Variants in PHACTR1 observed in about 807,000 individuals in gnomAD.
The protein encoded by PHACTR1 is phosphatase and actin regulator 1.
In PHACTR1, 16 loss-of-function variants were observed where a neutral mutation model predicts 69.2. That is an observed-to-expected ratio of 0.23 (90% CI 0.16 to 0.35). PHACTR1 has a LOEUF of 0.35. PHACTR1 is among the 10% of genes least tolerant of loss of function. The pLI, the probability that PHACTR1 is intolerant of heterozygous loss-of-function variation, is 1.00. For synonymous variants in PHACTR1, 312 were observed against 284.5 expected (o/e 1.10, Z -0.97); for missense variants, 510 against 734.7 (o/e 0.69, Z 3.54).
intron 5 of PHACTR1, among the ~76,000 whole-genome samples, chr6:13,152,678 G>C (rs949051975): frequency 6.6e-6 from 1 of 152,150 alleles, no homozygotes; most frequent in Non-Finnish European, 1.5e-5. Context: ...TTACAAACTA[G>C]TGCAAAGATT....
rs10664160 is a variant in PHACTR1, at chr6:13,073,331, A to ATTTTTTTTTTTTT, written c.415+19820_415+19832dup. ...ATTCCTTCAACCAATCATTCCATGAATTTTTTTTTTTTTTTTTTTTTTTTT... is the reference window on the plus strand; with the variant it reads ...ATTCCTTCAACCAATCATTCCATGAATTTTTTTTTTTTTTTTTTTTTTTTTTTTTTTTTTTTTT... On this transcript the variant is annotated intron_variant, in intron 5 of 14. Transcript: ENST00000332995. Among the ~76,000 whole-genome samples the ATTTTTTTTTTTTT allele has an allele frequency of 9.1e-5, 6 of 65,672 alleles. 1 individual carries two copies. Among genetic ancestry groups the ATTTTTTTTTTTTT allele is most frequent in the East Asian group, 5.6e-4 (1 of 1,782 alleles). The allele number at this position is 65,672 out of a possible 152,430, so 43.1% of individuals were successfully genotyped here.
chr6:13,265,260 G>A (rs1380154843), intron 10 of PHACTR1, among the ~76,000 whole-genome samples: 2 of 152,056 alleles, frequency 1.3e-5, no homozygotes, highest in Non-Finnish European at 2.9e-5. Context: ...TAAACCCAGT[G>A]GGCATTTTTT....
intron 6 of PHACTR1, among the ~76,000 whole-genome samples, chr6:13,180,499 T>G (rs1209227994): frequency 6.6e-6 from 1 of 152,238 alleles, no homozygotes; most frequent in South Asian, 2.1e-4. Flanking sequence ...TTTTTTCTAA[T>G]GTTGCTTCTA....
At chr6:12,874,423 G>GT (rs1238143016) in intron 4 of PHACTR1, among the ~76,000 whole-genome samples, 1 of 152,154 alleles carries the variant, frequency 6.6e-6, no homozygotes, top group Non-Finnish European at 1.5e-5. Context: ...TTACAGTTTA[G>GT]TTTTTTAGAA....
intron 4 of PHACTR1, among the ~76,000 whole-genome samples, chr6:12,929,568 A>G (rs979126152): frequency 4.6e-5 from 7 of 152,228 alleles, no homozygotes; most frequent in Non-Finnish European, 1.0e-4. Flanking sequence ...CAAGGAAGAC[A>G]CAACAACAAG....
intron 5 of PHACTR1, among the ~76,000 whole-genome samples, chr6:13,122,869 G>A (rs181833252): frequency 1.3e-5 from 2 of 152,230 alleles, no homozygotes; most frequent in African/African-American, 4.8e-5. Context: ...ACAAACAAGG[G>A]TTACTACCTA....
intron 5 of PHACTR1, among the ~76,000 whole-genome samples, chr6:13,055,958 T>A (rs1158227910): frequency 6.6e-6 from 1 of 152,250 alleles, no homozygotes; most frequent in East Asian, 1.9e-4. Flanking sequence ...CCAGATTGAT[T>A]AACGTGGCAG....
At chr6:12,785,709 G>A (rs767573908) in intron 4 of PHACTR1, among the ~76,000 whole-genome samples, 2 of 152,136 alleles carry the variant, frequency 1.3e-5, no homozygotes, top group Non-Finnish European at 2.9e-5. Flanking sequence ...GGTAAAAGGT[G>A]CCCTCTAACA....
chr6:12,738,497 C>T (rs961255890), intron 3 of PHACTR1, among the ~76,000 whole-genome samples: 1 of 152,158 alleles, frequency 6.6e-6, no homozygotes, highest in Non-Finnish European at 1.5e-5. Context: ...ACTATGATGG[C>T]TGCAAACTGA....
chr6:13,253,500 C>T (rs920965407), intron 10 of PHACTR1, among the ~76,000 whole-genome samples: 13 of 152,212 alleles, frequency 8.5e-5, no homozygotes, highest in African/African-American at 3.1e-4. Flanking sequence ...CTATAGCAAA[C>T]ACCAGAACTT....
At chr6:12,841,595 A>G (rs1001015050) in intron 4 of PHACTR1, among the ~76,000 whole-genome samples, 2 of 152,246 alleles carry the variant, frequency 1.3e-5, no homozygotes, top group African/African-American at 4.8e-5. Flanking sequence ...ATGGAAAATC[A>G]AATTTCCAGC....
rs1784105869 is a variant in PHACTR1 at position 12,890,842 on chromosome 6, C to T, written c.250+141052C>T. Among the ~76,000 whole-genome samples the T allele has an allele frequency of 2.0e-5, 3 of 152,198 alleles. No homozygotes were observed. The South Asian group carries it at 6.2e-4, about 31-fold the overall frequency. ...TATCTCTATATTACCTTTTAACCTTCCTAATAATTTGCCTATTATATTTAC... is the reference window on the plus strand; with the variant it reads ...TATCTCTATATTACCTTTTAACCTTTCTAATAATTTGCCTATTATATTTAC... On this transcript the variant is annotated intron_variant, in intron 4 of 14. Coordinates refer to ENST00000332995, the MANE Select transcript of PHACTR1 (RefSeq NM_030948.6).
intron 4 of PHACTR1, among the ~76,000 whole-genome samples, chr6:12,937,609 A>G (rs1220009703): frequency 6.6e-6 from 1 of 152,214 alleles, no homozygotes; most frequent in Non-Finnish European, 1.5e-5. Context: ...AGAGTTATGA[A>G]GAAAGATAAA....
chr6:12,784,183 C>T (rs1771196301), intron 4 of PHACTR1, among the ~76,000 whole-genome samples: 1 of 151,756 alleles, frequency 6.6e-6, no homozygotes, highest in African/African-American at 2.4e-5. Flanking sequence ...TACATATACC[C>T]ACAGATATAC....
intron 6 of PHACTR1, among the ~76,000 whole-genome samples, chr6:13,175,263 C>A (rs1761163123): frequency 6.6e-6 from 1 of 152,250 alleles, no homozygotes; most frequent in South Asian, 2.1e-4. Context: ...GCTGTGTTAG[C>A]TCATCTGATA....
intron 5 of PHACTR1, among the ~76,000 whole-genome samples, chr6:13,059,991 G>A (rs983858929): frequency 6.6e-6 from 1 of 152,138 alleles, no homozygotes; most frequent in Non-Finnish European, 1.5e-5. Flanking sequence ...TCTAGATGAG[G>A]GAAGATTATT....
At chr6:13,085,300 T>C (rs1001700534) in intron 5 of PHACTR1, among the ~76,000 whole-genome samples, 3 of 152,008 alleles carry the variant, frequency 2.0e-5, no homozygotes, top group African/African-American at 4.8e-5. Flanking sequence ...TAATACTGTG[T>C]TATTAAAATG....
chr6:13,049,394 C>G (rs541708508), intron 4 of PHACTR1, among the ~76,000 whole-genome samples: 47 of 152,182 alleles, frequency 3.1e-4, no homozygotes, highest in African/African-American at 1.1e-3. Context: ...CAGTATCAAC[C>G]CTGAATAATT....
intron 4 of PHACTR1, among the ~76,000 whole-genome samples, chr6:13,052,568 T>C (rs992410790): frequency 4.6e-5 from 7 of 152,188 alleles, no homozygotes; most frequent in Non-Finnish European, 5.9e-5. Flanking sequence ...TTATTTCATG[T>C]GGTAAAAAGA....
Sources: gnomAD v4.1 joint callset for allele counts (sites outside exome capture counted in the v4.1 genomes callset) on GRCh38, gnomAD v4.1.1 for gene constraint, MANE v1.5 for transcripts, NCBI Gene and HGNC (gene_info 2026-07-23, HGNC 2026-07-21) for gene names.